UNC79: variants seen among roughly 807,000 people sequenced by gnomAD.
UNC79 encodes the protein unc-79 subunit of NALCN channel complex.
In UNC79, 37 loss-of-function variants were observed where a neutral mutation model predicts 283.1. The observed-to-expected ratio is 0.13, with a 90% confidence interval of 0.10 to 0.17. The LOEUF (loss-of-function observed/expected upper bound fraction) is 0.17, where lower values mean the gene tolerates loss of function less well. Among genes scored for constraint, UNC79 ranks in the 10% least tolerant of loss-of-function variants. UNC79 has a pLI of 1.00. For missense variants in UNC79, 2,272 were observed against 3,211.1 expected, an observed-to-expected ratio of 0.71 and a Z score of 7.07; for synonymous variants, 1,107 against 1,200.2, an observed-to-expected ratio of 0.92 and a Z score of 1.61.
chr14:93,593,001 C>T (rs1047711808), intron 22 of UNC79, among the ~76,000 whole-genome samples: 2 of 152,172 alleles, frequency 1.3e-5, no homozygotes, highest in African/African-American at 4.8e-5. Flanking sequence ...GGGTCATTGG[C>T]AGTTGCAGGC....
intron 11 of UNC79, among the ~76,000 whole-genome samples, chr14:93,532,809 A>G (rs1319940156): frequency 6.6e-6 from 1 of 152,176 alleles, no homozygotes; most frequent in Non-Finnish European, 1.5e-5. Flanking sequence ...TTTGTTCAGT[A>G]ATTTGCAATA....
chr14:93,530,032 A>G (rs560105098), intron 10 of UNC79, among the ~76,000 whole-genome samples: 1 of 152,314 alleles, frequency 6.6e-6, no homozygotes, highest in South Asian at 2.1e-4. Flanking sequence ...CTGCAGGCAT[A>G]CTAAGTTTGA....
rs548656060 is a variant in UNC79, at chr14:93,601,874, T to TA, written c.3574+1105dup. On this transcript the variant is annotated intron_variant, in intron 25 of 48. Transcript: ENST00000555664. ...ATTAGTGATGTTGAGCATTTTTTCA[T>TA]ATGTTTGTTGGCCGTTTGTATATCT... Among the ~76,000 whole-genome samples the TA allele has an allele frequency of 4.3e-3, 651 of 152,360 alleles. 7 individuals carry two copies. The highest frequency in any genetic ancestry group is 0.015 in the African/African-American group (619 of 41,582).
chr14:93,576,597 A>G lies in UNC79; in HGVS notation c.2212-1245A>G, dbSNP rs188354803. On this transcript the variant is annotated intron_variant, in intron 17 of 48. Coordinates refer to ENST00000555664, the Ensembl canonical transcript of UNC79. ...AAAGCTTAAAGGAGCTAAAGGAGCA[A>G]TATGGGTGGACAAGACACCTAGAGT... Among the ~76,000 whole-genome samples the G allele has an allele frequency of 1.9e-3, 284 of 152,316 alleles. 1 individual carries two copies. Among genetic ancestry groups the G allele is most frequent in the Admixed American group, 3.3e-3 (50 of 15,304 alleles).
In UNC79 at chr14:93,529,783, T is replaced by G. The variant is rs544362215; in HGVS notation, c.1093+457T>G. ...ATCATTGAATGTCTCTGAGGCTCAGTTTCCTCATCAGTAAAATGGGGATAA... is the reference window on the plus strand; with the variant it reads ...ATCATTGAATGTCTCTGAGGCTCAGGTTCCTCATCAGTAAAATGGGGATAA... On this transcript the variant is annotated intron_variant, in intron 10 of 48. Transcript: ENST00000555664. 2.8e-4 allele frequency among the ~76,000 whole-genome samples: 42 copies of G among 152,262 alleles called. 1 individual carries two copies. In the South Asian group the frequency reaches 8.5e-3, roughly 31 times the overall value.
intron 41 of UNC79, among the ~76,000 whole-genome samples, chr14:93,678,186 CA>C (rs1432958001): frequency 1.1e-4 from 17 of 152,204 alleles, no homozygotes; most frequent in Admixed American, 1.1e-3. Flanking sequence ...CAGGAGCAGA[CA>C]GTGACTTTCT....
chr14:93,564,662 T>C (rs2062766763), intron 14 of UNC79, among the ~76,000 whole-genome samples: 1 of 151,952 alleles, frequency 6.6e-6, no homozygotes, highest in South Asian at 2.1e-4. Context: ...GGGCTGAGTC[T>C]GGAAAGAGAG....
intron 48 of UNC79, among the ~76,000 whole-genome samples, chr14:93,706,033 A>T (rs924592084): frequency 1.3e-5 from 2 of 151,894 alleles, no homozygotes; most frequent in Non-Finnish European, 1.5e-5. Context: ...AGTTTCTTGC[A>T]CTCTCAGCTT....
intron 1 of UNC79, among the ~76,000 whole-genome samples, chr14:93,402,240 G>T (rs2140030143): frequency 7.9e-6 from 1 of 126,186 alleles, no homozygotes; most frequent in South Asian, 2.5e-4. Flanking sequence ...TTGCACCACT[G>T]CATTCCAGCC....
At chr14:93,572,797 A>G in exon 16 of UNC79, 1 of 1,613,600 alleles carries the variant, frequency 6.2e-7, no homozygotes, top group Non-Finnish European at 8.5e-7. Flanking sequence ...GTGCAGGAGC[A>G]AGCTTTACTG....
chr14:93,580,322 G>T (rs757273017), exon 19 of UNC79: 1 of 1,614,084 alleles, frequency 6.2e-7, no homozygotes, highest in African/African-American at 1.3e-5. Context: ...TCTGCTATCA[G>T]CTTGCTTGTG....
intron 34 of UNC79, among the ~76,000 whole-genome samples, chr14:93,645,726 T>A (rs1021993873): frequency 1.3e-5 from 2 of 152,096 alleles, no homozygotes; most frequent in African/African-American, 4.8e-5. Flanking sequence ...GCCTTTAAAA[T>A]CTCATTTGCT....
intron 14 of UNC79, among the ~76,000 whole-genome samples, chr14:93,557,813 A>G (rs1276555066): frequency 6.6e-6 from 1 of 152,232 alleles, no homozygotes; most frequent in Non-Finnish European, 1.5e-5. Context: ...GAGCTACAGT[A>G]TTGTTCTTCC....
intron 35 of UNC79, among the ~76,000 whole-genome samples, chr14:93,651,912 A>ATTTT (rs71129653): frequency 4.3e-5 from 2 of 46,602 alleles, no homozygotes; most frequent in Non-Finnish European, 8.1e-5. Context: ...CTAATTTTGT[A>ATTTT]TTTTTTTTTT....
intron 1 of UNC79, among the ~76,000 whole-genome samples, chr14:93,368,989 G>A (rs1452580633): frequency 1.3e-5 from 2 of 152,170 alleles, no homozygotes; most frequent in Admixed American, 6.5e-5. Flanking sequence ...GAAGACAAAT[G>A]CCCTTTAGAA....
At chr14:93,616,928 T>G (rs2066774574) in intron 27 of UNC79, among the ~76,000 whole-genome samples, 194 bp from the exon 29 acceptor site, 1 of 152,222 alleles carries the variant, frequency 6.6e-6, no homozygotes, top group African/African-American at 2.4e-5. Flanking sequence ...TTTACAAGTT[T>G]CAAAAATTTT....
rs182023777 is a variant in UNC79, at chr14:93,412,725, A to G, written c.-350-54946A>G. Reference sequence around the variant, plus strand: ...TCAATGTTACCTTACAGGCCAGGAGAGAGTGGCATGACATATTTAAAGGGC... The same window carrying G: ...TCAATGTTACCTTACAGGCCAGGAGGGAGTGGCATGACATATTTAAAGGGC... On this transcript the variant is annotated intron_variant, in intron 1 of 49. Coordinates refer to the UNC79 transcript ENST00000256339. Among the ~76,000 whole-genome samples, 666 of 152,026 alleles carry G rather than the reference A, an allele frequency of 4.4e-3. 6 individuals carry two copies. The highest frequency in any genetic ancestry group is 0.015 in the African/African-American group (634 of 41,520).
chr14:93,623,545 T>C (rs572879878), intron 30 of UNC79, among the ~76,000 whole-genome samples: 1 of 152,356 alleles, frequency 6.6e-6, no homozygotes, highest in Non-Finnish European at 1.5e-5. Context: ...TCTTCTGTAA[T>C]GTTACCGCAA....
chr14:93,570,986 A>G (rs1395407018), intron 14 of UNC79, among the ~76,000 whole-genome samples: 1 of 152,262 alleles, frequency 6.6e-6, no homozygotes, highest in Non-Finnish European at 1.5e-5. Context: ...AACAGAAATT[A>G]TAGAAATATA....
Sources: gnomAD v4.1 joint callset for allele counts (sites outside exome capture counted in the v4.1 genomes callset) on GRCh38, gnomAD v4.1.1 for gene constraint, MANE v1.5 for transcripts, NCBI Gene and HGNC (gene_info 2026-07-23, HGNC 2026-07-21) for gene names.